MATR3: variants seen among roughly 807,000 people sequenced by gnomAD.
The protein encoded by MATR3 is matrin-3.
A neutral mutation model predicts 85.5 loss-of-function variants in MATR3; 4 were observed. The ratio of observed to expected loss-of-function variants is 0.05; its 90% confidence interval spans 0.02 to 0.11. The LOEUF (loss-of-function observed/expected upper bound fraction) is 0.11. Ranked by LOEUF, MATR3 falls within the 10% of genes least tolerant of loss-of-function variation. MATR3 has a pLI of 1.00. For synonymous variants in MATR3, 336 were observed against 343.1 expected (o/e 0.98, Z 0.23); for missense variants, 685 against 1,016.1 (o/e 0.67, Z 4.43).
intron 2 of MATR3, chr5:139,310,066 C>T (rs1581237528): frequency 6.6e-6 from 1 of 152,270 alleles, no homozygotes; most frequent in East Asian, 1.9e-4. Context: ...GAGAGGACTT[C>T]GAGAAAAGTT....
chr5:139,305,313 C>T (rs545515021), intron 1 of MATR3, among the ~76,000 whole-genome samples: 1 of 152,240 alleles, frequency 6.6e-6, no homozygotes, highest in East Asian at 1.9e-4. Context: ...ATTCAGAGCT[C>T]TGTAGTCTAA....
upstream of MATR3, among the ~76,000 whole-genome samples, chr5:139,290,065 A>G (rs1443402703): frequency 6.6e-6 from 1 of 151,990 alleles, no homozygotes; most frequent in Non-Finnish European, 1.5e-5. Flanking sequence ...TCATATATAC[A>G]TATATTTGCT....
intron 5 of MATR3, among the ~76,000 whole-genome samples, chr5:139,316,631 C>A (rs1755260240): frequency 1.3e-5 from 2 of 151,976 alleles, no homozygotes; most frequent in Admixed American, 6.6e-5. Flanking sequence ...CACTGCAACC[C>A]CTGCCTCCCG....
chr5:139,292,375 T>C (rs1419354525), upstream of MATR3, among the ~76,000 whole-genome samples: 1 of 152,154 alleles, frequency 6.6e-6, no homozygotes, highest in Non-Finnish European at 1.5e-5. Flanking sequence ...ATTGCCCACC[T>C]TATAGAAAGC....
chr5:139,296,855 G>C (rs974363410), intron 1 of MATR3, among the ~76,000 whole-genome samples: 9 of 152,174 alleles, frequency 5.9e-5, no homozygotes, highest in African/African-American at 1.9e-4. Context: ...TTACAGTACA[G>C]CTATCCCACA....
chr5:139,305,613 A>G (rs1754668654), intron 1 of MATR3, among the ~76,000 whole-genome samples: 1 of 152,330 alleles, frequency 6.6e-6, no homozygotes, highest in East Asian at 1.9e-4. Context: ...GGCATTTATA[A>G]GACATATCAA....
chr5:139,322,413 A>G (rs1755618254), intron 10 of MATR3, 50 bp from the exon 11 acceptor site: 1 of 1,486,058 alleles, frequency 6.7e-7, no homozygotes, highest in East Asian at 2.3e-5. Context: ...TCACTGGATA[A>G]TTGTGTATTC....
At chr5:139,279,240 T>TG (rs1475965169) in intron 3 of MATR3, 42 of 443,888 alleles carry the variant, frequency 9.5e-5, no homozygotes, top group African/African-American at 7.5e-4. Context: ...AGACTTTTTT[T>TG]TGGGGGGGGA....
At position 139,308,057 on chromosome 5, in the gene MATR3, T is replaced by C. The variant is rs774373362; in HGVS notation, c.642T>C (p.Tyr214=). Residue 214 remains tyrosine, a synonymous_variant, in exon 2 of 15, where the codon TAT becomes TAC. Transcript: ENST00000394805. ...HGSRSQESGY[Y]DRMDYEDDRL... ...GTCGTTCTCAAGAATCTGGTTATTA[T>C]GACAGAATGGATTATGAAGATGACA... 8 of 1,614,066 alleles carry C rather than the reference T, an allele frequency of 5.0e-6. No homozygotes were observed. The highest frequency in any genetic ancestry group is 2.7e-5 in the African/African-American group (2 of 74,934).
intron 5 of MATR3, among the ~76,000 whole-genome samples, chr5:139,316,435 G>A (rs1022841464): frequency 6.6e-5 from 10 of 151,932 alleles, no homozygotes; most frequent in Admixed American, 5.9e-4. Context: ...TAGTAGAGAC[G>A]GGGTTTCACC....
chr5:139,316,099 A>G lies in MATR3; in HGVS notation c.1040A>G (p.Gln347Arg). Residue 347 changes from glutamine (Q) to arginine (R), a missense_variant, in exon 5 of 15, where the codon CAG becomes CGG. This residue lies in a region of MATR3 where 223 missense variants were observed against 334.4 expected (regional missense o/e 0.67). Coordinates refer to ENST00000394805, the MANE Select transcript of MATR3 (RefSeq NM_018834.6). ...HTMGDPFMLQ[Q>R]STNPAPGILG... Reference sequence around the variant, plus strand: ...AGGGGTGATCCATTCATGTTGCAGCAGTCTACAAATCCAGCACCAGGAATT... The same window carrying G: ...AGGGGTGATCCATTCATGTTGCAGCGGTCTACAAATCCAGCACCAGGAATT... The G allele has an allele frequency of 6.2e-7, 1 of 1,613,282 alleles. No homozygotes were observed. Among genetic ancestry groups the G allele is most frequent in the Non-Finnish European group, 8.5e-7 (1 of 1,179,562 alleles).
At chr5:139,294,112 G>C in intron 1 of MATR3, 3 of 1,203,476 alleles carry the variant, frequency 2.5e-6, no homozygotes, top group Non-Finnish European at 3.2e-6. Flanking sequence ...TGCGCTGACC[G>C]GCCGAGCTTC....
intron 3 of MATR3, chr5:139,279,580 TACA>T (rs1753438493): frequency 5.9e-6 from 1 of 169,240 alleles, no homozygotes; most frequent in South Asian, 1.4e-4. Context: ...CTCGGCTCAC[TACA>T]ACCTCTACCT....
In MATR3 at chr5:139,325,447, A is replaced by G. The variant is rs772523205; in HGVS notation, c.2156A>G (p.Lys719Arg). 5 of 1,614,094 alleles carry G rather than the reference A, an allele frequency of 3.1e-6. No homozygotes were observed. Among genetic ancestry groups the G allele is most frequent in the African/African-American group, 1.3e-5 (1 of 74,932 alleles). Residue 719 changes from lysine to arginine, a missense_variant, in exon 13 of 15, where the codon AAG becomes AGG. By Grantham distance (26) the Lys-to-Arg change is conservative. Around this residue, in one of 9 missense-constraint regions of MATR3, gnomAD observed 215 missense variants for 194.7 expected, o/e 1.10. Coordinates refer to ENST00000394805, the MANE Select transcript of MATR3 (RefSeq NM_018834.6). Reference sequence around the variant, plus strand: ...GGTTTGGTTGAAATTAAGGTGGACAAGATCGAGGAACTTGATCAAGAAAAC... The same window carrying G: ...GGTTTGGTTGAAATTAAGGTGGACAGGATCGAGGAACTTGATCAAGAAAAC... ...AAKKKLKKVDKIEELDQENEA... is the reference protein window; with the variant it reads ...AAKKKLKKVDRIEELDQENEA...
At chr5:139,315,665 A>C in intron 3 of MATR3, 32 bp from the exon 4 acceptor site, 1 of 1,518,842 alleles carries the variant, frequency 6.6e-7, no homozygotes, top group Non-Finnish European at 9.1e-7. Context: ...GGACAGTTTT[A>C]TTTTAAAGTT....
chr5:139,290,607 G>A (rs915974053), upstream of MATR3, among the ~76,000 whole-genome samples: 1 of 151,256 alleles, frequency 6.6e-6, no homozygotes, highest in Non-Finnish European at 1.5e-5. Flanking sequence ...ATGCCACCAC[G>A]CCTGGGTAAT....
At chr5:139,305,795 T>TA (rs1362512869) in intron 1 of MATR3, among the ~76,000 whole-genome samples, 1 of 152,202 alleles carries the variant, frequency 6.6e-6, no homozygotes, top group Non-Finnish European at 1.5e-5. Context: ...AGCCACCTCT[T>TA]ATAGCATTTC....
chr5:139,315,102 T>G, intron 3 of MATR3: 1 of 216,286 alleles, frequency 4.6e-6, no homozygotes, highest in Non-Finnish European at 9.4e-6. Context: ...GAGGGTAGGT[T>G]ATTAAAAGAT....
intron 3 of MATR3, 28 bp downstream of exon 3, chr5:139,314,764 T>G: frequency 6.3e-7 from 1 of 1,598,606 alleles, no homozygotes. Context: ...CTTTAAAACA[T>G]CCTTATCGTG....
Sources: gnomAD v4.1 joint callset for allele counts (sites outside exome capture counted in the v4.1 genomes callset) on GRCh38, gnomAD v4.1.1 for gene constraint, gnomAD v4.1.1 regional missense constraint, MANE v1.5 for transcripts, NCBI Gene and HGNC (gene_info 2026-07-23, HGNC 2026-07-21) for gene names.